CCDC158: variants seen among roughly 807,000 people sequenced by gnomAD.
The protein encoded by CCDC158 is coiled-coil domain containing 158, also known as coiled-coil domain-containing protein 158.
In CCDC158, 116 loss-of-function variants were observed where a neutral mutation model predicts 138.6. That is an observed-to-expected ratio of 0.84 (90% CI 0.72 to 0.98). The LOEUF is 0.98. Ranked by LOEUF, CCDC158 falls within the 50% of genes least tolerant of loss-of-function variation. The pLI, the probability that CCDC158 is intolerant of heterozygous loss-of-function variation, is 0.00. For synonymous variants in CCDC158, 436 were observed against 442.4 expected (o/e 0.99, Z 0.18); for missense variants, 1,265 against 1,306.1 (o/e 0.97, Z 0.48).
At chr4:76,393,001 A>C (rs1446894506) in intron 4 of CCDC158, among the ~76,000 whole-genome samples, 1 of 152,122 alleles carries the variant, frequency 6.6e-6, no homozygotes, top group Non-Finnish European at 1.5e-5. Flanking sequence ...AAAATCAGAA[A>C]GATATCCCAT....
rs555342290 is a variant in CCDC158 at position 76,369,395 on chromosome 4, T to G, written c.1347+31A>C. On this transcript the variant is annotated intron_variant, in intron 11 of 24. Transcript: ENST00000682701. ...ATTTATTTCCCCAGAGGAGATTGTTTGGCGATGGCACAGCCTGTGCAGGCA... is the reference window on the plus strand; with the variant it reads ...ATTTATTTCCCCAGAGGAGATTGTTGGGCGATGGCACAGCCTGTGCAGGCA... 1.4e-4 allele frequency: 231 copies of G among 1,601,990 alleles called. 2 individuals carry two copies. In the South Asian group the frequency reaches 2.5e-3, roughly 17 times the overall value.
At chr4:76,385,064 T>C (rs1726659672) in intron 4 of CCDC158, among the ~76,000 whole-genome samples, 1 of 152,158 alleles carries the variant, frequency 6.6e-6, no homozygotes, top group African/African-American at 2.4e-5. Flanking sequence ...AAACTCCAGG[T>C]GTCCTACTAC....
At chr4:76,337,826 C>A (rs778652116) in intron 18 of CCDC158, among the ~76,000 whole-genome samples, 5 of 152,154 alleles carry the variant, frequency 3.3e-5, no homozygotes, top group Non-Finnish European at 7.4e-5. Flanking sequence ...TAAACACATG[C>A]TCTTCCTGAA....
intron 12 of CCDC158, among the ~76,000 whole-genome samples, chr4:76,366,764 A>G (rs1395579932): frequency 6.6e-6 from 1 of 152,106 alleles, no homozygotes; most frequent in Non-Finnish European, 1.5e-5. Context: ...TTAAATTTTA[A>G]ATTATTAAGT....
intron 18 of CCDC158, among the ~76,000 whole-genome samples, chr4:76,341,714 G>A (rs1017598053): frequency 2.2e-4 from 34 of 152,294 alleles, no homozygotes; most frequent in African/African-American, 8.2e-4. Flanking sequence ...ATGTATATGT[G>A]TATGTGTGTA....
At chr4:76,351,264 C>A in intron 17 of CCDC158, 143 bp from the exon 18 acceptor site, 2 of 729,614 alleles carry the variant, frequency 2.7e-6, no homozygotes, top group South Asian at 2.5e-5. Flanking sequence ...AAGTACACTT[C>A]TTAAAATAGA....
chr4:76,367,691 C>T lies in CCDC158; in HGVS notation c.1433G>A (p.Arg478His), dbSNP rs561723655. The change falls in exon 12 of 25, where the codon CGC (arginine) becomes CAC (histidine). Residue 478 changes from arginine (R) to histidine (H), a missense_variant. Physicochemically the swap from Arg to His is conservative, Grantham distance 29. Coordinates refer to ENST00000682701, the MANE Select transcript of CCDC158 (RefSeq NM_001394954.1). ...GGCTGTCAACTCTTCTACTACTTTG[C>T]GCAGCATCTCTTTGGTGGATTCAAG... Reference protein sequence around the residue: ...AQLESTKEMLRKVVEELTAKK... With the variant: ...AQLESTKEMLHKVVEELTAKK... 7.3e-5 allele frequency: 118 copies of T among 1,614,072 alleles called. No individual in the cohort carries two copies. The highest frequency in any genetic ancestry group is 1.1e-4 in the East Asian group (5 of 44,878).
chr4:76,411,750 T>A (rs1373577158), intron 2 of CCDC158, among the ~76,000 whole-genome samples: 2 of 152,196 alleles, frequency 1.3e-5, no homozygotes, highest in South Asian at 4.1e-4. Context: ...TCAATTTCCA[T>A]CCTTACTAAA....
rs146756577 is a variant in CCDC158 at position 76,366,626 on chromosome 4, A to AACACACCCAC, written c.1830+667_1830+668insGTGGGTGTGT. Among the ~76,000 whole-genome samples, 3 of 25,664 alleles carry AACACACCCAC rather than the reference A, an allele frequency of 1.2e-4. No homozygotes were observed. In the East Asian group the frequency reaches 0.011, roughly 95 times the overall value. The allele number at this position is 25,664 out of a possible 152,430, so 16.8% of individuals were successfully genotyped here. On this transcript the variant is annotated intron_variant, in intron 12 of 24. Coordinates refer to ENST00000682701, the MANE Select transcript of CCDC158 (RefSeq NM_001394954.1). ...AGGGAAAAGGAGACACTGCTACATA[A>AACACACCCAC]ACACACACACAAACACACACACACA...
chr4:76,313,868 G>A (rs908122159), intron 24 of CCDC158, among the ~76,000 whole-genome samples: 1 of 152,046 alleles, frequency 6.6e-6, no homozygotes, highest in Non-Finnish European at 1.5e-5. Flanking sequence ...ACGTCAATAA[G>A]TTTCCAGTTC....
chr4:76,345,241 T>A (rs1722430717), intron 18 of CCDC158: 1 of 938,312 alleles, frequency 1.1e-6, no homozygotes, highest in Admixed American at 1.7e-5. Flanking sequence ...GATGAAGATC[T>A]GAAGCTAACA....
chr4:76,382,082 C>T (rs577919497), intron 8 of CCDC158, among the ~76,000 whole-genome samples: 1 of 152,220 alleles, frequency 6.6e-6, no homozygotes, highest in Non-Finnish European at 1.5e-5. Context: ...TGGGAGGTAA[C>T]TGGATCATGG....
At chr4:76,314,454 G>A (rs1719180936) in intron 24 of CCDC158, among the ~76,000 whole-genome samples, 1 of 152,200 alleles carries the variant, frequency 6.6e-6, no homozygotes, top group East Asian at 1.9e-4. Flanking sequence ...TTTGCTCCAA[G>A]AGCCACTGCA....
At chr4:76,339,288 A>C (rs1449184039) in intron 18 of CCDC158, among the ~76,000 whole-genome samples, 1 of 152,112 alleles carries the variant, frequency 6.6e-6, no homozygotes, top group Non-Finnish European at 1.5e-5. Flanking sequence ...GAAGCCCCTT[A>C]CTATTGGTGA....
intron 9 of CCDC158, among the ~76,000 whole-genome samples, chr4:76,373,144 C>T (rs978784989): frequency 6.6e-6 from 1 of 152,172 alleles, no homozygotes; most frequent in African/African-American, 2.4e-5. Context: ...CCACCGCGCC[C>T]GGCCTCTATA....
intron 21 of CCDC158, among the ~76,000 whole-genome samples, chr4:76,329,240 C>T (rs1026042614): frequency 7.9e-5 from 12 of 152,128 alleles, no homozygotes; most frequent in East Asian, 1.9e-4. Flanking sequence ...ATAAAATCCA[C>T]GTCATCTGTT....
chr4:76,354,062 A>G (rs1723300019), intron 15 of CCDC158, among the ~76,000 whole-genome samples: 1 of 152,126 alleles, frequency 6.6e-6, no homozygotes, highest in Admixed American at 6.5e-5. Flanking sequence ...TCAGAAGGAA[A>G]GAGGAATTAA....
rs1421024523 is a variant in CCDC158, at chr4:76,421,115, T to C, written c.-267A>G. ...CCCGCGGAGGCTGCGGGGCGGCTCC[T>C]CCTCCTCGGCTGCGGCGCCGGAAGC... On this transcript the variant is annotated 5_prime_UTR_variant, in exon 1 of 25. Transcript: ENST00000682701. 2.6e-5 allele frequency among the ~76,000 whole-genome samples: 4 copies of C among 151,802 alleles called. No individual in the cohort carries two copies. The highest frequency in any genetic ancestry group is 4.4e-5 in the Non-Finnish European group (3 of 67,944).
rs1329795418 is a variant in CCDC158 at position 76,369,502 on chromosome 4, C to A, written c.1271G>T (p.Arg424Leu). The A allele has an allele frequency of 1.2e-6, 2 of 1,614,022 alleles. No individual in the cohort carries two copies. Among genetic ancestry groups the A allele is most frequent in the Non-Finnish European group, 1.7e-6 (2 of 1,180,028 alleles). Residue 424 changes from arginine (R) to leucine (L), a missense_variant, in exon 11 of 25, where the codon CGG (arginine) becomes CTG (leucine). Arg to Leu is a moderately radical substitution (Grantham distance 102). Coordinates refer to ENST00000682701, the MANE Select transcript of CCDC158 (RefSeq NM_001394954.1). ...IDHLRRELDN[R>L]NMEVQRLEAL... The stretch of plus-strand genomic sequence containing the variant: ...TTCCAGGCGCTGCACCTCCATGTTC[C>A]GGTTGTCCAGTTCCCGCCGCAGGTG...
Sources: allele counts gnomAD v4.1 joint callset (sites outside exome capture counted in the v4.1 genomes callset), GRCh38; gene constraint gnomAD v4.1.1; transcripts MANE v1.5; gene names NCBI Gene and HGNC (gene_info 2026-07-23, HGNC 2026-07-21).